DAB1: variants seen among roughly 807,000 people sequenced by gnomAD.
DAB1 encodes the protein DAB adaptor protein 1.
DAB1 carries 15 observed loss-of-function variants against 64.6 expected under a neutral mutation model. That is an observed-to-expected ratio of 0.23 (90% CI 0.16 to 0.36). The LOEUF (loss-of-function observed/expected upper bound fraction) is 0.36, where lower values mean the gene tolerates loss of function less well. Ranked by LOEUF, DAB1 falls within the 10% of genes least tolerant of loss-of-function variation. The pLI is 1.00. For synonymous variants in DAB1, 235 were observed against 251.9 expected, an observed-to-expected ratio of 0.93 and a Z score of 0.64; for missense variants, 596 against 706.7, an observed-to-expected ratio of 0.84 and a Z score of 1.78.
intron 6 of DAB1, among the ~76,000 whole-genome samples, chr1:57,714,822 A>G (rs551759661): frequency 7.9e-5 from 12 of 152,306 alleles, no homozygotes; most frequent in Admixed American, 7.2e-4. Context: ...TTATAGAAGT[A>G]CTGAGTCATG....
At chr1:57,302,518 C>T (rs1319817616) in intron 1 of DAB1, among the ~76,000 whole-genome samples, 4 of 152,148 alleles carry the variant, frequency 2.6e-5, no homozygotes. Context: ...ATGGGAGCTA[C>T]AGCTGGAATC....
chr1:58,020,916 T>C (rs1407569140), intron 5 of DAB1, among the ~76,000 whole-genome samples: 2 of 152,070 alleles, frequency 1.3e-5, no homozygotes, highest in Non-Finnish European at 2.9e-5. Flanking sequence ...GGCAGGAGAA[T>C]CACTTGAACC....
chr1:57,155,266 C>A (rs554924166), intron 2 of DAB1, among the ~76,000 whole-genome samples: 112 of 152,112 alleles, frequency 7.4e-4, no homozygotes, highest in Non-Finnish European at 1.4e-3. Flanking sequence ...TTCTCAGCAC[C>A]ATTTATTAGA....
intron 5 of DAB1, chr1:58,056,327 C>T (rs765574109): frequency 1.9e-6 from 3 of 1,567,792 alleles, no homozygotes; most frequent in African/African-American, 1.3e-5. Context: ...TCAGAAATGT[C>T]CCTGACTGCT....
intron 7 of DAB1, among the ~76,000 whole-genome samples, chr1:57,606,586 AATATATT>A (rs72286699): frequency 0.048 from 3,310 of 68,916 alleles, 136 homozygotes; most frequent in African/African-American, 0.081. Flanking sequence ...TATATAATAT[AATATATT>A]ATATATTATA....
intron 7 of DAB1, among the ~76,000 whole-genome samples, chr1:57,441,301 T>TCTTC (rs1558383881): frequency 2.3e-5 from 1 of 42,570 alleles, no homozygotes; most frequent in African/African-American, 7.4e-5. Context: ...TTTCTTTCTT[T>TCTTC]CTTTCTTTCT....
intron 1 of DAB1, among the ~76,000 whole-genome samples, chr1:57,849,751 C>T (rs1653436712): frequency 6.6e-6 from 1 of 152,228 alleles, no homozygotes; most frequent in Non-Finnish European, 1.5e-5. Flanking sequence ...AAAATCCCAG[C>T]AATGCCCAGA....
At position 58,523,727 on chromosome 1, in the gene DAB1, A is replaced by G. The variant is rs564379941; in HGVS notation, n.107+3534T>C. Among the ~76,000 whole-genome samples, 32 of 152,178 alleles carry G rather than the reference A, an allele frequency of 2.1e-4. No homozygotes were observed. In the East Asian group the frequency reaches 3.5e-3, roughly 17 times the overall value. ...ATCCTGGCTAACACGGTGAAACCCCATCTCTACTAAAAACACAAAAAATTA... is the reference window on the plus strand; with the variant it reads ...ATCCTGGCTAACACGGTGAAACCCCGTCTCTACTAAAAACACAAAAAATTA... On this transcript the variant is annotated intron_variant and non_coding_transcript_variant, in intron 2 of 20. Coordinates refer to the DAB1 transcript ENST00000485760.
intron 4 of DAB1, among the ~76,000 whole-genome samples, chr1:58,194,992 T>C (rs1657593574): frequency 6.6e-6 from 1 of 152,232 alleles, no homozygotes; most frequent in Admixed American, 6.5e-5. Flanking sequence ...AACTATTGAA[T>C]AGCCTAACTC....
intron 2 of DAB1, among the ~76,000 whole-genome samples, chr1:57,161,031 C>T (rs376015085): frequency 6.6e-6 from 1 of 152,248 alleles, no homozygotes; most frequent in East Asian, 1.9e-4. Context: ...TTCACTCCTC[C>T]AGCGGTTCTG....
intron 4 of DAB1, among the ~76,000 whole-genome samples, chr1:58,258,751 ACAGGGC>A (rs1660988029): frequency 6.6e-6 from 1 of 152,170 alleles, no homozygotes; most frequent in African/African-American, 2.4e-5. Context: ...TGATACCTTT[ACAGGGC>A]CAGGGATGTT....
chr1:58,056,183 G>A lies in DAB1; in HGVS notation n.387+94328C>T, dbSNP rs112925077. 4,255 of 1,540,042 alleles carry A rather than the reference G, an allele frequency of 2.8e-3. 98 individuals carry two copies. The African/African-American group carries it at 0.051, about 18-fold the overall frequency. ...GGGGCAGCACCCGCAGGTCTAAATC[G>A]GGATGGGGGTGTTCGGTCCTTGCGG... On this transcript the variant is annotated intron_variant and non_coding_transcript_variant, in intron 5 of 20. Transcript: ENST00000485760.
intron 5 of DAB1, among the ~76,000 whole-genome samples, chr1:57,910,002 T>C (rs1644616625): frequency 6.6e-6 from 1 of 152,228 alleles, no homozygotes; most frequent in Non-Finnish European, 1.5e-5. Context: ...GAAGTGTCTC[T>C]GCCTGCTACA....
intron 5 of DAB1, among the ~76,000 whole-genome samples, chr1:57,928,825 G>T (rs1349717684): frequency 1.3e-5 from 2 of 152,180 alleles, no homozygotes; most frequent in African/African-American, 4.8e-5. Flanking sequence ...TTATCTGGAT[G>T]TAACACAGAT....
chr1:57,039,634 C>G (rs1647468728), intron 9 of DAB1, among the ~76,000 whole-genome samples: 1 of 152,194 alleles, frequency 6.6e-6, no homozygotes, highest in African/African-American at 2.4e-5. Context: ...CTTTCTCCTT[C>G]CCACTCTTCT....
intron 7 of DAB1, among the ~76,000 whole-genome samples, chr1:57,514,542 G>C (rs779942958): frequency 6.6e-6 from 1 of 152,186 alleles, no homozygotes; most frequent in Non-Finnish European, 1.5e-5. Flanking sequence ...TATGTATCTA[G>C]AGCCTAAAAC....
intron 6 of DAB1, among the ~76,000 whole-genome samples, chr1:57,796,479 A>G (rs1650871796): frequency 1.3e-5 from 2 of 151,900 alleles, no homozygotes; most frequent in Non-Finnish European, 2.9e-5. Flanking sequence ...GCGAGCTGAG[A>G]TCGTGCCGCT....
At chr1:58,002,735 G>C (rs1459695777) in intron 5 of DAB1, among the ~76,000 whole-genome samples, 1 of 152,086 alleles carries the variant, frequency 6.6e-6, no homozygotes, top group East Asian at 1.9e-4. Flanking sequence ...ATAAACTAAT[G>C]ACTTGATAAA....
chr1:58,250,464 C>T (rs79902981), intron 4 of DAB1, among the ~76,000 whole-genome samples: 15,602 of 152,310 alleles, frequency 0.1, 1,148 homozygotes, highest in Admixed American at 0.18. Context: ...GCAGCGGTAG[C>T]AACAGCAGCA....
Sources: gnomAD v4.1 joint callset for allele counts (sites outside exome capture counted in the v4.1 genomes callset) on GRCh38, gnomAD v4.1.1 for gene constraint, MANE v1.5 for transcripts, NCBI Gene and HGNC (gene_info 2026-07-23, HGNC 2026-07-21) for gene names.